Variants in ATG14 observed in about 807,000 individuals in gnomAD.
The protein encoded by ATG14 is beclin 1-associated autophagy-related key regulator.
ATG14 carries 35 observed loss-of-function variants against 60.4 expected under a neutral mutation model. That is an observed-to-expected ratio of 0.58 (90% CI 0.44 to 0.77). The LOEUF is 0.77. Among genes scored for constraint, ATG14 ranks in the 30% least tolerant of loss-of-function variants. The pLI, the probability that ATG14 is intolerant of heterozygous loss-of-function variation, is 0.00. For synonymous variants in ATG14, 234 were observed against 228.8 expected (o/e 1.02, Z -0.21); for missense variants, 647 against 626.3 (o/e 1.03, Z -0.35).
At position 55,367,856 on chromosome 14, in the gene ATG14, A is replaced by C. The variant is rs1245735802; in HGVS notation, c.*1763T>G. 2 of 152,248 alleles carry C rather than the reference A, an allele frequency of 1.3e-5. No homozygotes were observed. Among genetic ancestry groups the C allele is most frequent in the Non-Finnish European group, 2.9e-5 (2 of 68,028 alleles). The allele number at this position is 152,248 out of a possible 1,614,324, so 9.4% of individuals were successfully genotyped here. On this transcript the variant is annotated 3_prime_UTR_variant, in exon 10 of 10. Transcript: ENST00000247178. ...GGATAGAAATAAACTCCGTTCTGCAACTCTACCCAAAACTATACAAAACAC... is the reference window on the plus strand; with the variant it reads ...GGATAGAAATAAACTCCGTTCTGCACCTCTACCCAAAACTATACAAAACAC...
intron 2 of ATG14, among the ~76,000 whole-genome samples, chr14:55,396,241 T>C (rs1369930573): frequency 6.6e-6 from 1 of 152,220 alleles, no homozygotes; most frequent in Non-Finnish European, 1.5e-5. Flanking sequence ...TTAGCCTTTG[T>C]CCTCAGTCAT....
rs1220945226 is a variant in ATG14, at chr14:55,369,405, CCT to C, written c.*212_*213del. ...GGTCTGGGTAGAAAGACCTTCGACC[CCT>C]GTTCTCTTAATTATCATAAGCATGT... On this transcript the variant is annotated 3_prime_UTR_variant, in exon 10 of 10. Coordinates refer to ENST00000247178, the MANE Select transcript of ATG14 (RefSeq NM_014924.5). 2.3e-6 allele frequency: 1 copy of C among 426,130 alleles called. No homozygotes were observed. The highest frequency in any genetic ancestry group is 4.1e-6 in the Non-Finnish European group (1 of 246,494). 26.4% of individuals were successfully genotyped at this position (426,130 alleles called of 1,614,324 possible). A position where few individuals can be genotyped will look rare whatever the true frequency, so the allele number is the denominator to read the frequency against.
chr14:55,402,954 T>A (rs1566585724), intron 1 of ATG14, among the ~76,000 whole-genome samples: 14 of 56,382 alleles, frequency 2.5e-4, no homozygotes, highest in Admixed American at 4.6e-4. Flanking sequence ...TATATATATA[T>A]ATATATATAT....
chr14:55,392,716 C>T (rs1254515447), intron 3 of ATG14, among the ~76,000 whole-genome samples: 5 of 151,572 alleles, frequency 3.3e-5, no homozygotes, highest in African/African-American at 7.3e-5. Flanking sequence ...CTAATGACTC[C>T]GTAAAGTGAA....
rs113414087 is a variant in ATG14, at chr14:55,397,615, C to T, written c.222-181G>A. Among the ~76,000 whole-genome samples, 2 of 152,306 alleles carry T rather than the reference C, an allele frequency of 1.3e-5. 1 individual carries two copies. Among genetic ancestry groups the T allele is most frequent in the African/African-American group, 4.8e-5 (2 of 41,568 alleles). Reference sequence around the variant, plus strand: ...TGCTAACCATTTGGTTCTTTTAAAACTAAGCTCAAATCCTCAACTTTAAAA... The same window carrying T: ...TGCTAACCATTTGGTTCTTTTAAAATTAAGCTCAAATCCTCAACTTTAAAA... On this transcript the variant is annotated intron_variant, in intron 1 of 9. Coordinates refer to ENST00000247178, the MANE Select transcript of ATG14 (RefSeq NM_014924.5).
rs757292108 is a variant in ATG14 at position 55,369,735 on chromosome 14, G to A, written c.1363C>T (p.Gln455Ter). 3 of 1,613,862 alleles carry A rather than the reference G, an allele frequency of 1.9e-6. No individual in the cohort carries two copies. The highest frequency in any genetic ancestry group is 2.2e-5 in the South Asian group (2 of 91,050). ...DIPSQSVEVS[Q>*]SQSTQASPPI... ...GGGGACGCCTGGGTGCTCTGACTCT[G>A]GGAGACTTCCACAGACTGGGAAGGG... Residue 455 changes from glutamine to a stop codon, truncating the protein, a stop_gained, in exon 10 of 10, where the codon CAG becomes TAG. Coordinates refer to ENST00000247178, the MANE Select transcript of ATG14 (RefSeq NM_014924.5). LOFTEE classifies it high-confidence loss of function.
intron 3 of ATG14, 94 bp from the exon 4 acceptor site, chr14:55,391,086 A>G (rs1885207843): frequency 1.3e-6 from 1 of 796,552 alleles, no homozygotes; most frequent in Non-Finnish European, 2.0e-6. Flanking sequence ...CAGATATGTC[A>G]GAAAACATAA....
At chr14:55,402,926 A>G (rs11382247) in intron 1 of ATG14, among the ~76,000 whole-genome samples, 1 of 16,396 alleles carries the variant, frequency 6.1e-5, no homozygotes, top group Non-Finnish European at 1.1e-4. Context: ...AAAAAAAAAA[A>G]ATATATATAT....
At chr14:55,395,172 G>A (rs17742886) in intron 3 of ATG14, 57,420 of 453,106 alleles carry the variant, frequency 0.13, 4,445 homozygotes, top group Non-Finnish European at 0.16. Context: ...TAAGCGTGCC[G>A]ATCTCCTCTT....
Position 55,369,385 on chromosome 14 carries a change from G to C in ATG14, c.*234C>G, listed in dbSNP as rs1884759165. The C allele has an allele frequency of 2.7e-6, 1 of 366,434 alleles. No individual in the cohort carries two copies. Among genetic ancestry groups the C allele is most frequent in the Admixed American group, 4.3e-5 (1 of 23,438 alleles). The allele number at this position is 366,434 out of a possible 1,614,324, so 22.7% of individuals were successfully genotyped here. A position where few individuals can be genotyped will look rare whatever the true frequency, so the allele number is the denominator to read the frequency against. ...GTCCTCCTTCCACCAGCACTGGTCT[G>C]GGTAGAAAGACCTTCGACCCCTGTT... On this transcript the variant is annotated 3_prime_UTR_variant, in exon 10 of 10. Coordinates refer to ENST00000247178, the MANE Select transcript of ATG14 (RefSeq NM_014924.5).
In ATG14 at chr14:55,411,735, C is replaced by A; in HGVS notation, c.88G>T (p.Val30Leu). 6.2e-7 allele frequency: 1 copy of A among 1,611,316 alleles called. No individual in the cohort carries two copies. The highest frequency in any genetic ancestry group is 8.5e-7 in the Non-Finnish European group (1 of 1,179,128). Reference protein sequence around the residue: ...RPLARDLVDSVDDAEGLYVAV... With the variant: ...RPLARDLVDSLDDAEGLYVAV... ...ACGTACAGCCCCTCCGCATCGTCCA[C>A]GGAGTCCACCAGGTCCCGGGCGAGC... The change falls in exon 1 of 10, where the codon GTG becomes TTG. Residue 30 changes from valine to leucine, a missense_variant. By Grantham distance (32) the Val-to-Leu change is conservative. Coordinates refer to ENST00000247178, the MANE Select transcript of ATG14 (RefSeq NM_014924.5).
chr14:55,382,059 G>A lies in ATG14; in HGVS notation c.780C>T (p.Ser260=), dbSNP rs1885044129. 6.2e-7 allele frequency: 1 copy of A among 1,614,050 alleles called. No individual in the cohort carries two copies. Among genetic ancestry groups the A allele is most frequent in the South Asian group, 1.1e-5 (1 of 91,092 alleles). ...TAATCCAAGGCCCTGTAATGCTAATGCTGGTGTCTCCGTTGTGATCGTCAC... is the reference window on the plus strand; with the variant it reads ...TAATCCAAGGCCCTGTAATGCTAATACTGGTGTCTCCGTTGTGATCGTCAC... ...WVCDDHNGDT[S]ISITGPWISL... The change falls in exon 6 of 10, where the codon AGC becomes AGT. Residue 260 remains serine, a synonymous_variant. Transcript: ENST00000247178.
intron 6 of ATG14, among the ~76,000 whole-genome samples, chr14:55,381,150 C>T (rs1456862243): frequency 1.3e-5 from 2 of 152,154 alleles, no homozygotes; most frequent in Non-Finnish European, 2.9e-5. Flanking sequence ...CATTTACTTG[C>T]TTCCTACCTT....
chr14:55,392,470 A>G (rs1363982322), intron 3 of ATG14, among the ~76,000 whole-genome samples: 1 of 152,138 alleles, frequency 6.6e-6, no homozygotes, highest in Non-Finnish European at 1.5e-5. Flanking sequence ...CAACATGGCG[A>G]AACCCCATCT....
chr14:55,388,368 C>T (rs1156493322), intron 4 of ATG14, among the ~76,000 whole-genome samples: 2 of 152,174 alleles, frequency 1.3e-5, no homozygotes, highest in Non-Finnish European at 2.9e-5. Context: ...GGCAGGAAAT[C>T]ATCAGTCACC....
intron 1 of ATG14, among the ~76,000 whole-genome samples, chr14:55,409,194 A>G (rs1034706776): frequency 5.9e-5 from 9 of 152,240 alleles, no homozygotes; most frequent in African/African-American, 1.7e-4. Flanking sequence ...GCAGAGAGGA[A>G]GAGAAAAAGA....
At chr14:55,393,209 G>A (rs6573019) in intron 3 of ATG14, among the ~76,000 whole-genome samples, 77,480 of 151,232 alleles carry the variant, frequency 0.51, 22,841 homozygotes, top group African/African-American at 0.83. Context: ...GTGAAACCCC[G>A]TCTCTACTAA....
At chr14:55,384,339 T>G (rs1885087779) in intron 5 of ATG14, among the ~76,000 whole-genome samples, 1 of 152,238 alleles carries the variant, frequency 6.6e-6, no homozygotes, top group Non-Finnish European at 1.5e-5. Flanking sequence ...TTCACTCAAC[T>G]TCCCCAAAGT....
intron 2 of ATG14, among the ~76,000 whole-genome samples, chr14:55,397,119 A>T (rs1253767122): frequency 6.6e-6 from 1 of 152,194 alleles, no homozygotes; most frequent in East Asian, 1.9e-4. Flanking sequence ...CACATCAATT[A>T]TCAGTGCCAG....
Sources: allele counts gnomAD v4.1 joint callset (sites outside exome capture counted in the v4.1 genomes callset), GRCh38; gene constraint gnomAD v4.1.1; transcripts MANE v1.5; gene names NCBI Gene and HGNC (gene_info 2026-07-23, HGNC 2026-07-21).